ALK: variants seen among roughly 807,000 people sequenced by gnomAD.
The protein encoded by ALK is ALK receptor tyrosine kinase.
In ALK, 74 loss-of-function variants were observed where a neutral mutation model predicts 163.1. That is an observed-to-expected ratio of 0.45 (90% CI 0.38 to 0.55). The LOEUF is 0.55. ALK is among the 20% of genes least tolerant of loss of function. ALK has a pLI of 0.00. For missense variants in ALK, 2,063 were observed against 2,105.3 expected (o/e 0.98, Z 0.39); for synonymous variants, 960 against 843.2 (o/e 1.14, Z -2.40).
chr2:29,214,013 C>T lies in ALK; in HGVS notation c.3714G>A (p.Gln1238=), dbSNP rs1423030946. The change falls in exon 24 of 29, where the codon CAG becomes CAA. Residue 1238 remains glutamine, a synonymous_variant. Coordinates refer to ENST00000389048, the MANE Select transcript of ALK (RefSeq NM_004304.5). ...GGATGAAGTGGTTTTCCTCCAAATA[C>T]TGACAGCCACAGGCAATGTCCCGAG... The part of the protein sequence containing the change: ...HVARDIACGC[Q]YLEENHFIHR... 1.9e-6 allele frequency: 3 copies of T among 1,613,918 alleles called. No individual in the cohort carries two copies. Among genetic ancestry groups the T allele is most frequent in the East Asian group, 4.5e-5 (2 of 44,892 alleles).
At chr2:29,423,431 A>G (rs1421655430) in intron 4 of ALK, among the ~76,000 whole-genome samples, 1 of 152,226 alleles carries the variant, frequency 6.6e-6, no homozygotes, top group Non-Finnish European at 1.5e-5. Context: ...GACAGTGTCC[A>G]CTGGGGAGCG....
At chr2:29,540,881 G>C (rs1242185192) in intron 3 of ALK, among the ~76,000 whole-genome samples, 1 of 152,000 alleles carries the variant, frequency 6.6e-6, no homozygotes, top group East Asian at 1.9e-4. Context: ...TAAACAGCCA[G>C]TAATACATGA....
intron 3 of ALK, among the ~76,000 whole-genome samples, chr2:29,618,989 TAAAAAATAAATA>T (rs1490446956): frequency 1.0e-5 from 1 of 97,796 alleles, no homozygotes; most frequent in Non-Finnish European, 2.3e-5. Context: ...AAAAAATAAA[TAAAAAATAAATA>T]AAAAAAAAAA....
intron 1 of ALK, among the ~76,000 whole-genome samples, chr2:29,774,208 CCT>C (rs1681108350): frequency 1.3e-5 from 2 of 152,180 alleles, no homozygotes; most frequent in African/African-American, 2.4e-5. Flanking sequence ...TTCTCTCCCC[CCT>C]GTTGCTTTGA....
intron 4 of ALK, among the ~76,000 whole-genome samples, chr2:29,497,796 A>G (rs1248998922): frequency 2.6e-5 from 4 of 152,154 alleles, no homozygotes; most frequent in Non-Finnish European, 4.4e-5. Flanking sequence ...ATCATTTGTT[A>G]TAACTAGTCC....
chr2:29,816,757 T>C (rs927617293), intron 1 of ALK, among the ~76,000 whole-genome samples: 4 of 152,162 alleles, frequency 2.6e-5, no homozygotes, highest in African/African-American at 9.7e-5. Context: ...TGACTTCTCA[T>C]CTGTAAAATT....
At chr2:29,710,547 G>A (rs149162143) in intron 2 of ALK, among the ~76,000 whole-genome samples, 50 of 145,898 alleles carry the variant, frequency 3.4e-4, no homozygotes, top group Admixed American at 3.3e-3. Context: ...ATGGAGTCTC[G>A]TTCTGTCACC....
chr2:29,608,380 A>G (rs530986599), intron 3 of ALK, among the ~76,000 whole-genome samples: 7 of 152,352 alleles, frequency 4.6e-5, no homozygotes, highest in African/African-American at 1.7e-4. Flanking sequence ...CACTCAGCAA[A>G]TATTTTAGGA....
chr2:29,549,415 T>C (rs1673657152), intron 3 of ALK, among the ~76,000 whole-genome samples: 1 of 152,200 alleles, frequency 6.6e-6, no homozygotes, highest in South Asian at 2.1e-4. Flanking sequence ...TGTAAAACTC[T>C]CTCATGCAAT....
chr2:29,275,277 G>A (rs1665505352), intron 10 of ALK, 50 bp from the exon 11 acceptor site: 3 of 1,613,694 alleles, frequency 1.9e-6, no homozygotes, highest in African/African-American at 1.3e-5. Context: ...GTTGATTTCA[G>A]GGTGAGAGAT....
chr2:29,909,994 A>AAC (rs1473567380), intron 1 of ALK, among the ~76,000 whole-genome samples: 3 of 151,938 alleles, frequency 2.0e-5, no homozygotes, highest in Non-Finnish European at 2.9e-5. Flanking sequence ...AAAAAAAAAA[A>AAC]AACAACTGCA....
chr2:29,316,524 T>G (rs977318329), intron 8 of ALK, among the ~76,000 whole-genome samples: 2 of 152,226 alleles, frequency 1.3e-5, no homozygotes, highest in Admixed American at 1.3e-4. Context: ...TAATATCATT[T>G]GTACCTTGAC....
At chr2:29,372,330 T>G (rs75645293) in intron 5 of ALK, among the ~76,000 whole-genome samples, 5 of 152,184 alleles carry the variant, frequency 3.3e-5, no homozygotes, top group Admixed American at 3.3e-4. Flanking sequence ...AGCTGAGTCA[T>G]CTAGTCCTTC....
At chr2:29,673,176 G>C (rs1222157763) in intron 3 of ALK, among the ~76,000 whole-genome samples, 4 of 145,732 alleles carry the variant, frequency 2.7e-5, no homozygotes, top group African/African-American at 1.1e-4. Context: ...AAGCTCTTTA[G>C]TTTAATTAGA....
chr2:29,860,691 C>G (rs1666255898), intron 1 of ALK, among the ~76,000 whole-genome samples: 1 of 152,054 alleles, frequency 6.6e-6, no homozygotes, highest in Non-Finnish European at 1.5e-5. Context: ...TCTTTTTTGA[C>G]CACAATGGTA....
At chr2:29,631,303 A>T (rs1676365978) in intron 3 of ALK, among the ~76,000 whole-genome samples, 2 of 152,264 alleles carry the variant, frequency 1.3e-5, no homozygotes, top group South Asian at 4.1e-4. Flanking sequence ...AAGGAAATCC[A>T]GATTTTATCA....
chr2:29,292,215 G>A (rs1459122650), intron 9 of ALK, among the ~76,000 whole-genome samples: 1 of 152,210 alleles, frequency 6.6e-6, no homozygotes, highest in Admixed American at 6.5e-5. Context: ...GATAAGTTGT[G>A]TACTTTATAT....
chr2:29,853,068 C>T (rs1666045729), intron 1 of ALK, among the ~76,000 whole-genome samples: 2 of 152,142 alleles, frequency 1.3e-5, no homozygotes, highest in Non-Finnish European at 2.9e-5. Context: ...ACTAAGATAA[C>T]AGCTATAACC....
At chr2:29,838,989 T>A (rs1447364712) in intron 1 of ALK, among the ~76,000 whole-genome samples, 2 of 152,152 alleles carry the variant, frequency 1.3e-5, no homozygotes, top group South Asian at 4.1e-4. Context: ...TATAATATAC[T>A]TTAATGTTTT....
Sources: gnomAD v4.1 joint callset for allele counts (sites outside exome capture counted in the v4.1 genomes callset) on GRCh38, gnomAD v4.1.1 for gene constraint, MANE v1.5 for transcripts, NCBI Gene and HGNC (gene_info 2026-07-23, HGNC 2026-07-21) for gene names.